Variants in STYXL2 observed in about 807,000 individuals in gnomAD.
STYXL2 encodes the protein serine/threonine/tyrosine interacting like 2.
STYXL2 carries 44 observed loss-of-function variants against 52.4 expected under a neutral mutation model. That is an observed-to-expected ratio of 0.84 (90% CI 0.66 to 1.08). The LOEUF is 1.08. Among genes scored for constraint, STYXL2 ranks in the 50% least tolerant of loss-of-function variants. STYXL2 has a pLI of 0.00. For missense variants in STYXL2, 1,604 were observed against 1,471.7 expected (o/e 1.09, Z -1.47); for synonymous variants, 604 against 586.9 (o/e 1.03, Z -0.42).
intron 3 of STYXL2, 74 bp from the exon 4 acceptor site, chr1:167,117,254 C>A: frequency 7.5e-7 from 1 of 1,337,970 alleles, no homozygotes; most frequent in Non-Finnish European, 1.0e-6. Flanking sequence ...TGGCCAAGAG[C>A]ATGTTCTCCC....
intron 3 of STYXL2, among the ~76,000 whole-genome samples, chr1:167,115,647 G>A (rs768336352): frequency 1.3e-5 from 2 of 152,098 alleles, no homozygotes; most frequent in South Asian, 2.1e-4. Flanking sequence ...AAGTAGACAC[G>A]GGAAGGGGAG....
rs1213009174 is a variant in STYXL2 at position 167,126,401 on chromosome 1, G to T, written c.1270G>T (p.Gly424Cys). The change falls in exon 6 of 6, where the codon GGC (glycine) becomes TGC (cysteine). Residue 424 changes from glycine to cysteine, a missense_variant. By Grantham distance (159) the Gly-to-Cys change is radical. Coordinates refer to ENST00000361200, the MANE Select transcript of STYXL2 (RefSeq NM_001080426.3). ...EEEKEEESDA[G>C]SSVGRRRRTL... ...GGAGAAGGAGGAGGAGAGCGACGCTGGCTCCTCGGTGGGGAGGCGGCGGCG... is the reference window on the plus strand; with the variant it reads ...GGAGAAGGAGGAGGAGAGCGACGCTTGCTCCTCGGTGGGGAGGCGGCGGCG... The T allele has an allele frequency of 6.4e-7, 1 of 1,557,698 alleles. No individual in the cohort carries two copies. The highest frequency in any genetic ancestry group is 1.2e-5 in the South Asian group (1 of 84,572).
intron 2 of STYXL2, among the ~76,000 whole-genome samples, chr1:167,103,070 G>A (rs908504649): frequency 5.4e-5 from 8 of 147,622 alleles, no homozygotes; most frequent in East Asian, 1.9e-4. Flanking sequence ...TCTCTTGCTC[G>A]TTTCTGTTGG....
At position 167,126,718 on chromosome 1, in the gene STYXL2, C is replaced by G. The variant is rs1170777864; in HGVS notation, c.1587C>G (p.Ser529=). ...ACAGCGTGGGCTCTGAGGCCAGTTC[C>G]TTCTACAACTTCTGCAGCAGGAACA... ...DEDSVGSEAS[S]FYNFCSRNKD... The change falls in exon 6 of 6, where the codon TCC becomes TCG. Residue 529 remains serine, a synonymous_variant. Transcript: ENST00000361200. The G allele has an allele frequency of 6.2e-7, 1 of 1,614,062 alleles. No homozygotes were observed. Among genetic ancestry groups the G allele is most frequent in the African/African-American group, 1.3e-5 (1 of 74,914 alleles).
At chr1:167,111,824 C>A (rs1475710566) in intron 2 of STYXL2, among the ~76,000 whole-genome samples, 1 of 151,984 alleles carries the variant, frequency 6.6e-6, no homozygotes, top group African/African-American at 2.4e-5. Context: ...GTACACCAAA[C>A]TCTCAGAAAT....
intron 4 of STYXL2, among the ~76,000 whole-genome samples, 156 bp downstream of exon 4, chr1:167,117,715 C>T (rs1383841602): frequency 6.6e-6 from 1 of 152,204 alleles, no homozygotes; most frequent in Non-Finnish European, 1.5e-5. Context: ...CAGAGAAAGG[C>T]CCCTCCATCC....
intron 5 of STYXL2, among the ~76,000 whole-genome samples, chr1:167,124,946 T>TAA (rs10531474): frequency 1.1e-3 from 139 of 129,690 alleles, no homozygotes; most frequent in African/African-American, 3.6e-3. Flanking sequence ...TACAAACTCC[T>TAA]AAAAAAAAAA....
intron 2 of STYXL2, among the ~76,000 whole-genome samples, chr1:167,112,512 T>C (rs943575937): frequency 6.6e-6 from 1 of 152,216 alleles, no homozygotes; most frequent in Admixed American, 6.5e-5. Flanking sequence ...TGCATGCATC[T>C]AGGCTTCCCA....
At chr1:167,116,553 G>T (rs577951410) in intron 3 of STYXL2, among the ~76,000 whole-genome samples, 1 of 151,506 alleles carries the variant, frequency 6.6e-6, no homozygotes, top group African/African-American at 2.4e-5. Context: ...AGGGTTATTT[G>T]CAATCCATAT....
At chr1:167,109,274 G>A (rs1667568651) in intron 2 of STYXL2, among the ~76,000 whole-genome samples, 1 of 152,228 alleles carries the variant, frequency 6.6e-6, no homozygotes, top group Non-Finnish European at 1.5e-5. Context: ...TCCTCAGGGA[G>A]GCTTATAGCC....
Position 167,126,858 on chromosome 1 carries a change from T to G in STYXL2, c.1727T>G (p.Val576Gly), listed in dbSNP as rs753162739. Reference protein sequence around the residue: ...SSGEPGAEEAVGEKNPSDVSL... With the variant: ...SSGEPGAEEAGGEKNPSDVSL... ...GGTGAGCCCGGTGCAGAGGAGGCAG[T>G]AGGGGAGAAGAACCCCTCCGACGTC... The change falls in exon 6 of 6, where the codon GTA becomes GGA. Residue 576 changes from valine to glycine, a missense_variant. Coordinates refer to ENST00000361200, the MANE Select transcript of STYXL2 (RefSeq NM_001080426.3). 6.2e-7 allele frequency: 1 copy of G among 1,613,942 alleles called. No homozygotes were observed. The highest frequency in any genetic ancestry group is 8.5e-7 in the Non-Finnish European group (1 of 1,179,930).
In STYXL2 at chr1:167,125,807, G is replaced by C. The variant is rs144186156; in HGVS notation, c.676G>C (p.Glu226Gln). The C allele has an allele frequency of 2.7e-5, 44 of 1,603,362 alleles. No individual in the cohort carries two copies. In the Middle Eastern group the frequency reaches 8.4e-4, roughly 30 times the overall value. The part of the protein sequence containing the change: ...TYRGKVLVSS[E>Q]MGISRSAVLV... The stretch of plus-strand genomic sequence containing the variant: ...TTCAGGGAAAGTCCTGGTCAGCAGC[G>C]AAATGGGCATCAGCCGGTCAGCAGT... The change falls in exon 6 of 6, where the codon GAA (glutamate) becomes CAA (glutamine). Residue 226 changes from glutamate to glutamine, a missense_variant. By Grantham distance (29) the Glu-to-Gln change is conservative (BLOSUM62 2). Transcript: ENST00000361200.
chr1:167,124,231 T>C (rs1667916747), intron 5 of STYXL2, among the ~76,000 whole-genome samples: 1 of 152,186 alleles, frequency 6.6e-6, no homozygotes, highest in Non-Finnish European at 1.5e-5. Flanking sequence ...ACTCTGCTGA[T>C]TTACCTCCCT....
chr1:167,109,727 A>G (rs1667577936), intron 2 of STYXL2, among the ~76,000 whole-genome samples: 2 of 152,178 alleles, frequency 1.3e-5, no homozygotes, highest in African/African-American at 4.8e-5. Context: ...CAGCTGATGC[A>G]TTCCTGAAGG....
rs1262686380 is a variant in STYXL2, at chr1:167,125,887, G to C, written c.756G>C (p.Leu252Phe). The C allele has an allele frequency of 2.5e-6, 4 of 1,614,148 alleles. No homozygotes were observed. Among genetic ancestry groups the C allele is most frequent in the African/African-American group, 1.3e-5 (1 of 75,056 alleles). The change falls in exon 6 of 6, where the codon TTG becomes TTC. Residue 252 changes from leucine to phenylalanine, a missense_variant. Leu to Phe is a conservative substitution (Grantham distance 22, BLOSUM62 0). Coordinates refer to ENST00000361200, the MANE Select transcript of STYXL2 (RefSeq NM_001080426.3). ...IFHNMAILEA[L>F]MTVRKKRAIY... The stretch of plus-strand genomic sequence containing the variant: ...ACAACATGGCCATCCTGGAGGCTTT[G>C]ATGACCGTGCGTAAGAAGCGGGCCA...
rs2102250689 is a variant in STYXL2 at position 167,127,119 on chromosome 1, G to T, written c.1988G>T (p.Trp663Leu). The T allele has an allele frequency of 1.2e-6, 2 of 1,614,020 alleles. No individual in the cohort carries two copies. Among genetic ancestry groups the T allele is most frequent in the Non-Finnish European group, 1.7e-6 (2 of 1,179,956 alleles). ...ASGSIPLSAF[W>L]SADPSVSADG... is the part of the protein sequence containing the mutation. ...GGGAGCATTCCCCTGTCTGCGTTCT[G>T]GTCTGCAGACCCCTCAGTCAGCGCT... is the stretch of plus-strand genomic sequence containing the variant. The change falls in exon 6 of 6, where the codon TGG (tryptophan) becomes TTG (leucine). Residue 663 changes from tryptophan (W) to leucine (L), a missense_variant. Transcript: ENST00000361200.
chr1:167,127,644 GGAAGGA>G lies in STYXL2; in HGVS notation c.2522_2527del (p.Lys841_Glu842del). 6.2e-7 allele frequency: 1 copy of G among 1,614,118 alleles called. No individual in the cohort carries two copies. Among genetic ancestry groups the G allele is most frequent in the Non-Finnish European group, 8.5e-7 (1 of 1,180,030 alleles). On this transcript the variant is annotated inframe_deletion, in exon 6 of 6. Transcript: ENST00000361200. ...AATGTGGACCTAAAGGAACTTGGCCGGAAGGAGAAGGAGATGCAGATGGAGCTTAGG... is the reference window on the plus strand; with the variant it reads ...AATGTGGACCTAAAGGAACTTGGCCGGAAGGAGATGCAGATGGAGCTTAGG...
At chr1:167,111,469 C>CATATATATATATATATATATATAT (rs776014246) in intron 2 of STYXL2, among the ~76,000 whole-genome samples, 1 of 79,906 alleles carries the variant, frequency 1.3e-5, no homozygotes, top group Non-Finnish European at 2.6e-5. Context: ...AAATATGGTA[C>CATATATATATATATATATATATAT]ATATATATAT....
chr1:167,094,345 G>T (rs558603794), intron 1 of STYXL2, 151 bp downstream of exon 1: 2 of 162,908 alleles, frequency 1.2e-5, no homozygotes, highest in Admixed American at 5.7e-5. Context: ...CCAGGATGAC[G>T]CCTGAGCCAA....
Sources: gnomAD v4.1 joint callset for allele counts (sites outside exome capture counted in the v4.1 genomes callset) on GRCh38, gnomAD v4.1.1 for gene constraint, MANE v1.5 for transcripts, NCBI Gene and HGNC (gene_info 2026-07-23, HGNC 2026-07-21) for gene names.